Variants in LPL observed in about 807,000 individuals in gnomAD.
LPL encodes the protein phospholipase A1.
Under a neutral mutation model 52.2 loss-of-function variants are expected in LPL, and 43 were observed. That is an observed-to-expected ratio of 0.82 (90% CI 0.64 to 1.06). The LOEUF (loss-of-function observed/expected upper bound fraction) is 1.06, where lower values mean the gene tolerates loss of function less well. Among genes scored for constraint, LPL ranks in the 50% least tolerant of loss-of-function variants. The probability of loss-of-function intolerance (pLI) is 0.00; values close to 1 mark genes in which losing one functional copy is unlikely to be tolerated. For missense variants in LPL, 639 were observed against 585.3 expected (o/e 1.09, Z -0.95); for synonymous variants, 244 against 215.6 (o/e 1.13, Z -1.15).
chr8:19,945,685 G>A (rs1275212993), intron 1 of LPL, among the ~76,000 whole-genome samples: 1 of 152,042 alleles, frequency 6.6e-6, no homozygotes, highest in Non-Finnish European at 1.5e-5. Context: ...GAAAATTTGT[G>A]GTCATTTCAA....
intron 1 of LPL, among the ~76,000 whole-genome samples, chr8:19,941,922 G>A (rs549058752): frequency 2.6e-5 from 4 of 152,328 alleles, no homozygotes; most frequent in South Asian, 2.1e-4. Context: ...ATTAGGAAAC[G>A]TGAAGAGCTA....
intron 7 of LPL, among the ~76,000 whole-genome samples, chr8:19,960,216 T>C (rs941333413): frequency 3.3e-5 from 5 of 152,220 alleles, no homozygotes; most frequent in Non-Finnish European, 2.9e-5. Context: ...GAACCTACCA[T>C]GCATCATTCA....
chr8:19,965,197 T>C lies in LPL; in HGVS notation c.*-113T>C, dbSNP rs1307417025. The stretch of plus-strand genomic sequence containing the variant: ...CCTGGGTTTATTCTCACAACCTTTG[T>C]TCTGAAATTCCATTTGAAGGCTTTT... On this transcript the variant is annotated intron_variant, in intron 9 of 9. Transcript: ENST00000650287. The C allele has an allele frequency of 2.0e-5, 15 of 740,726 alleles. No individual in the cohort carries two copies. In the Middle Eastern group the frequency reaches 7.0e-4, roughly 35 times the overall value. 45.9% of individuals were successfully genotyped at this position (740,726 alleles called of 1,614,324 possible).
At chr8:19,962,009 C>A in intron 8 of LPL, 106 bp from the exon 9 acceptor site, 1 of 798,532 alleles carries the variant, frequency 1.3e-6, no homozygotes, top group East Asian at 2.5e-5. Context: ...AAACAATTAC[C>A]CAGCATGATC....
rs558390128 is a variant in LPL, at chr8:19,954,256, A to G, written c.678A>G (p.Pro226=). Residue 226 remains proline, a synonymous_variant, in exon 5 of 10, where the codon CCA becomes CCG. Coordinates refer to ENST00000650287, the MANE Select transcript of LPL (RefSeq NM_000237.3). ...GTCGAAGCATTGGAATCCAGAAACC[A>G]GTTGGGCATGTTGACATTTACCCGA... The part of the protein sequence containing the change: ...SPGRSIGIQK[P]VGHVDIYPNG... The G allele has an allele frequency of 9.6e-4, 1,554 of 1,614,196 alleles. 22 individuals are homozygous for G. In the South Asian group the frequency reaches 0.016, roughly 17 times the overall value.
intron 6 of LPL, among the ~76,000 whole-genome samples, chr8:19,958,625 A>C (rs2070008635): frequency 6.6e-6 from 1 of 152,208 alleles, no homozygotes; most frequent in Non-Finnish European, 1.5e-5. Flanking sequence ...GTTTGGTTAC[A>C]TGAGTAAGTT....
At chr8:19,955,816 A>G in intron 5 of LPL, 25 bp from the exon 6 acceptor site, 1 of 1,614,104 alleles carries the variant, frequency 6.2e-7, no homozygotes, top group Non-Finnish European at 8.5e-7. Flanking sequence ...CCGAGATACA[A>G]TCTTGGTGTC....
Position 19,956,163 on chromosome 8 carries a change from G to T in LPL, c.1018+80G>T, listed in dbSNP as rs140824369. 7.6e-5 allele frequency: 121 copies of T among 1,589,336 alleles called. 2 individuals are homozygous for T. The African/African-American group carries it at 1.5e-3, about 19-fold the overall frequency. On this transcript the variant is annotated intron_variant, in intron 6 of 9. Transcript: ENST00000650287. ...TCACTGCATCACATGTACTGATTCTGTCCATTGGAACAGAGATGATGACTG... is the reference window on the plus strand; with the variant it reads ...TCACTGCATCACATGTACTGATTCTTTCCATTGGAACAGAGATGATGACTG...
chr8:19,947,656 A>ACACCCC (rs1563568836), intron 1 of LPL, among the ~76,000 whole-genome samples: 4 of 69,590 alleles, frequency 5.7e-5, no homozygotes, highest in Non-Finnish European at 6.5e-5. Flanking sequence ...AAACAAAACA[A>ACACCCC]CCCCCCCCCC....
chr8:19,954,388 CT>C (rs762691925), intron 5 of LPL, 35 bp downstream of exon 5: 1 of 1,585,846 alleles, frequency 6.3e-7, no homozygotes, highest in South Asian at 1.1e-5. Flanking sequence ...AAATGTGACT[CT>C]TATCCTTAAC....
intron 3 of LPL, 37 bp downstream of exon 3, chr8:19,951,985 A>T (rs1330913857): frequency 1.2e-6 from 2 of 1,612,434 alleles, no homozygotes; most frequent in Non-Finnish European, 1.7e-6. Context: ...TGTCCAAAAC[A>T]GTGTTTTTGA....
At chr8:19,957,793 T>C (rs1490308662) in intron 6 of LPL, among the ~76,000 whole-genome samples, 3 of 152,170 alleles carry the variant, frequency 2.0e-5, no homozygotes, top group Non-Finnish European at 2.9e-5. Flanking sequence ...GTTCACAACA[T>C]TTATTAAAAA....
rs758119828 is a variant in LPL at position 19,939,475 on chromosome 8, C to T, written c.35C>T (p.Ala12Val). The change falls in exon 1 of 10, where the codon GCC becomes GTC. Residue 12 changes from alanine to valine, a missense_variant. Physicochemically the swap from Ala to Val is moderately conservative, Grantham distance 64. Coordinates refer to ENST00000650287, the MANE Select transcript of LPL (RefSeq NM_000237.3). The surrounding 1 kb of genome is among the most constrained non-coding windows in gnomAD (Gnocchi z 4.0). Reference protein sequence around the residue: ...ESKALLVLTLAVWLQSLTASR... With the variant: ...ESKALLVLTLVVWLQSLTASR... Reference sequence around the variant, plus strand: ...AAAGCCCTGCTCGTGCTGACTCTGGCCGTGTGGCTCCAGAGTCTGACCGCC... The same window carrying T: ...AAAGCCCTGCTCGTGCTGACTCTGGTCGTGTGGCTCCAGAGTCTGACCGCC... 85 of 1,610,614 alleles carry T rather than the reference C, an allele frequency of 5.3e-5. No individual in the cohort carries two copies. Among genetic ancestry groups the T allele is most frequent in the Non-Finnish European group, 6.8e-5 (80 of 1,179,090 alleles).
At chr8:19,951,694 C>G in intron 2 of LPL, 75 bp from the exon 3 acceptor site, 1 of 1,500,120 alleles carries the variant, frequency 6.7e-7, no homozygotes, top group Non-Finnish European at 9.3e-7. Context: ...CCATTTCATG[C>G]AGGTGTATTG....
chr8:19,957,406 C>T (rs923640516), intron 6 of LPL, among the ~76,000 whole-genome samples: 13 of 152,108 alleles, frequency 8.5e-5, no homozygotes, highest in African/African-American at 2.9e-4. Context: ...AGGTGTCTTT[C>T]GTGGTATAGA....
In LPL at chr8:19,960,951, T is replaced by A. The variant is rs2070032770; in HGVS notation, c.1190T>A (p.Val397Glu). The A allele has an allele frequency of 6.2e-7, 1 of 1,613,800 alleles. No homozygotes were observed. The highest frequency in any genetic ancestry group is 1.7e-5 in the Admixed American group (1 of 59,978). ...KTYSFLIYTE[V>E]DIGELLMLKL... ...TACTCCTTCCTAATTTACACAGAGG[T>A]AGATATTGGAGAACTACTCATGTTG... Residue 397 changes from valine to glutamate, a missense_variant, in exon 8 of 10, where the codon GTA (valine) becomes GAA (glutamate). Physicochemically the swap from Val to Glu is moderately radical, Grantham distance 121 (BLOSUM62 -2). Transcript: ENST00000650287.
Position 19,955,895 on chromosome 8 carries a change from ACT to A in LPL, c.835_836del (p.Leu279ValfsTer3), listed in dbSNP as rs773891125. ...GAGCGCTCCATTCATCTCTTCATCG[ACT>A]CTCTGTTGAATGAAGAAAATCCAAG... On this transcript the variant is annotated frameshift_variant, in exon 6 of 10. Coordinates refer to ENST00000650287, the MANE Select transcript of LPL (RefSeq NM_000237.3). LOFTEE classifies it high-confidence loss of function. The A allele has an allele frequency of 6.2e-7, 1 of 1,614,010 alleles. No individual in the cohort carries two copies. The highest frequency in any genetic ancestry group is 1.7e-5 in the Admixed American group (1 of 59,986).
At chr8:19,956,778 T>G (rs276) in intron 6 of LPL, among the ~76,000 whole-genome samples, 1 of 152,162 alleles carries the variant, frequency 6.6e-6, no homozygotes, top group South Asian at 2.1e-4. Flanking sequence ...CCTGGCCCTT[T>G]ACAGAATGTT....
chr8:19,961,476 GA>G (rs1303267623), intron 8 of LPL, among the ~76,000 whole-genome samples: 4 of 151,882 alleles, frequency 2.6e-5, no homozygotes, highest in African/African-American at 9.7e-5. Flanking sequence ...AGAAGGGTGA[GA>G]TTCCAAGATA....
Sources: allele counts gnomAD v4.1 joint callset (sites outside exome capture counted in the v4.1 genomes callset), GRCh38; gene constraint gnomAD v4.1.1; non-coding constraint Gnocchi (gnomAD v3.1); transcripts MANE v1.5; gene names NCBI Gene and HGNC (gene_info 2026-07-23, HGNC 2026-07-21).